Variants in SNAI3 observed in about 807,000 individuals in gnomAD.
SNAI3 encodes the protein snail family transcriptional repressor 3.
In SNAI3, 21 loss-of-function variants were observed where a neutral mutation model predicts 16.4. The ratio of observed to expected loss-of-function variants is 1.28; its 90% CI spans 0.91 to 1.85. The LOEUF is 1.85. Among genes scored for constraint, SNAI3 ranks in the 40% most tolerant of loss-of-function variants. The pLI is 0.00. For synonymous variants in SNAI3, 202 were observed against 166.6 expected, an observed-to-expected ratio of 1.21 and a Z score of -1.64; for missense variants, 457 against 372.8, an observed-to-expected ratio of 1.23 and a Z score of -1.86.
Position 88,678,478 on chromosome 16 carries a change from A to G in SNAI3, c.849T>C (p.His283=), listed in dbSNP as rs1909048853. The G allele has an allele frequency of 2.6e-6, 2 of 777,578 alleles. No homozygotes were observed. The highest frequency in any genetic ancestry group is 4.8e-6 in the Non-Finnish European group (2 of 420,446). The allele number at this position is 777,578 out of a possible 1,614,324, so 48.2% of individuals were successfully genotyped here. ...TFSRMSLLAR[H]EESGCCPGP ...GGCCCGGGCAGCAGCCAGACTCCTC[A>G]TGCCGCGCCAGGAGGGACATGCGGG... The change falls in exon 3 of 3, where the codon CAT becomes CAC. Residue 283 remains histidine (H), a synonymous_variant. Coordinates refer to ENST00000332281, the MANE Select transcript of SNAI3 (RefSeq NM_178310.4).
intron 2 of SNAI3, among the ~76,000 whole-genome samples, chr16:88,679,502 C>G (rs913382569): frequency 2.6e-5 from 4 of 152,124 alleles, no homozygotes; most frequent in African/African-American, 9.7e-5. Flanking sequence ...TGGCTCACAC[C>G]TGTAATCCCA....
rs767802631 is a variant in SNAI3, at chr16:88,681,245, G to T, written c.546C>A (p.Val182=). The part of the protein sequence containing the change: ...QLHCHLQVGR[V]FTCKYCDKEY... ...CCTTGTCGCAGTACTTGCAGGTGAA[G>T]ACACGCCCCACCTGCAGGTGGCAGT... is the stretch of plus-strand genomic sequence containing the variant. Residue 182 remains valine, a synonymous_variant, in exon 2 of 3, where the codon GTC becomes GTA. Transcript: ENST00000332281. The surrounding 1 kb of genome is among the most constrained non-coding windows in gnomAD (Gnocchi z 5.4). 1 of 1,613,666 alleles carries T rather than the reference G, an allele frequency of 6.2e-7. No homozygotes were observed. Among genetic ancestry groups the T allele is most frequent in the Non-Finnish European group, 8.5e-7 (1 of 1,180,032 alleles).
rs763896682 is a variant in SNAI3, at chr16:88,678,607, C to T, written c.720G>A (p.Ser240=). ...THTGEKPYAC[S]HCSRAFADRS... ...GGTCGGCAAAGGCCCTGCTGCAGTG[C>T]GAGCAGGCATAGGGCTTCTCCCCTG... is the stretch of plus-strand genomic sequence containing the variant. Residue 240 remains serine (S), a synonymous_variant, in exon 3 of 3, where the codon TCG becomes TCA. Transcript: ENST00000332281. 19 of 1,156,656 alleles carry T rather than the reference C, an allele frequency of 1.6e-5. No individual in the cohort carries two copies. Among genetic ancestry groups the T allele is most frequent in the Non-Finnish European group, 2.5e-5 (19 of 766,214 alleles). 71.6% of individuals were successfully genotyped at this position (1,156,656 alleles called of 1,614,324 possible).
intron 1 of SNAI3, among the ~76,000 whole-genome samples, chr16:88,683,598 C>G (rs1597394208): frequency 7.3e-6 from 1 of 137,662 alleles, no homozygotes; most frequent in African/African-American, 2.8e-5. Flanking sequence ...ACTCTTGTCG[C>G]CCAGGCTGGA....
At chr16:88,686,031 C>A in intron 1 of SNAI3, 1 of 273,320 alleles carries the variant, frequency 3.7e-6, no homozygotes. Flanking sequence ...TTGGGACGGG[C>A]GGCTGTATAT....
chr16:88,686,228 TG>T, intron 1 of SNAI3, 102 bp downstream of exon 1: 1 of 1,408,360 alleles, frequency 7.1e-7, no homozygotes. Flanking sequence ...TCCTCCCACC[TG>T]GGACAGGTGT....
At chr16:88,684,799 T>C (rs8048125) in intron 1 of SNAI3, among the ~76,000 whole-genome samples, 109,712 of 152,238 alleles carry the variant, frequency 0.72, 39,623 homozygotes, top group East Asian at 0.94. Flanking sequence ...CTGAAGAGAC[T>C]GTTTAAGTAC....
chr16:88,680,367 C>A (rs1485727233), intron 2 of SNAI3, among the ~76,000 whole-genome samples: 1 of 139,606 alleles, frequency 7.2e-6, no homozygotes, highest in Non-Finnish European at 1.5e-5. Context: ...CTCACCGCAA[C>A]CTCCACCTCC....
chr16:88,678,752 A>C, intron 2 of SNAI3, 123 bp from the exon 3 acceptor site: 2 of 1,450,852 alleles, frequency 1.4e-6, no homozygotes, highest in South Asian at 2.8e-5. Context: ...CAGAGCACCC[A>C]AGGTTGAGCT....
At chr16:88,680,275 ATTTTTT>A (rs560411217) in intron 2 of SNAI3, among the ~76,000 whole-genome samples, 6 of 55,102 alleles carry the variant, frequency 1.1e-4, no homozygotes, top group South Asian at 8.0e-4. Context: ...TATGTTTTTG[ATTTTTT>A]TTTTTTTTTT....
At position 88,686,483 on chromosome 16, in the gene SNAI3, G is replaced by C. The variant is rs1909371253; in HGVS notation, c.-77C>G. The stretch of plus-strand genomic sequence containing the variant: ...CTGGGTCCGGACTGCTGCGTCCGCC[G>C]GCGCTTGAAGGGGTCAGGCTCATTA... On this transcript the variant is annotated 5_prime_UTR_variant, in exon 1 of 3. Coordinates refer to ENST00000332281, the MANE Select transcript of SNAI3 (RefSeq NM_178310.4). 1.9e-6 allele frequency: 3 copies of C among 1,562,704 alleles called. No homozygotes were observed. The highest frequency in any genetic ancestry group is 2.3e-5 in the South Asian group (2 of 87,304).
At position 88,681,120 on chromosome 16, in the gene SNAI3, A is replaced by G. The variant is rs945290163; in HGVS notation, c.671T>C (p.Leu224Pro). ...CGKAFSRPWL[L>P]QGHVRTHTGE... ...TGTGTGGGTGCGGACATGGCCCTGC[A>G]GTAACCAGGGCCTGGAGAAGGCCTT... The change falls in exon 2 of 3, where the codon CTG becomes CCG. Residue 224 changes from leucine (L) to proline (P), a missense_variant. Coordinates refer to ENST00000332281, the MANE Select transcript of SNAI3 (RefSeq NM_178310.4). This position sits in a 1 kb window ranked among gnomAD's most constrained non-coding sequence, Gnocchi z 5.4. 7.4e-6 allele frequency: 12 copies of G among 1,613,302 alleles called. No individual in the cohort carries two copies. Among genetic ancestry groups the G allele is most frequent in the Non-Finnish European group, 1.0e-5 (12 of 1,179,840 alleles).
At position 88,686,361 on chromosome 16, in the gene SNAI3, G is replaced by A. The variant is rs1336173726; in HGVS notation, c.46C>T (p.Pro16Ser). Residue 16 changes from proline to serine, a missense_variant, in exon 1 of 3, where the codon CCC becomes TCC. By Grantham distance (74) the Pro-to-Ser change is moderately conservative (BLOSUM62 -1). Coordinates refer to ENST00000332281, the MANE Select transcript of SNAI3 (RefSeq NM_178310.4). The stretch of plus-strand genomic sequence containing the variant: ...TGCGTCTCCAGCCGCCGGTAGTTGG[G>A]GACCCTGTGGCTGGAGTGCGTTTTC... ...LVKTHSSHRVPNYRRLETQRE... is the reference protein window; with the variant it reads ...LVKTHSSHRVSNYRRLETQRE... The A allele has an allele frequency of 3.1e-6, 5 of 1,612,364 alleles. No homozygotes were observed. The highest frequency in any genetic ancestry group is 2.7e-5 in the African/African-American group (2 of 74,926).
At position 88,678,309 on chromosome 16, in the gene SNAI3, A is replaced by G; in HGVS notation, c.*139T>C. 1.7e-6 allele frequency: 1 copy of G among 590,258 alleles called. No individual in the cohort carries two copies. The highest frequency in any genetic ancestry group is 3.0e-6 in the Non-Finnish European group (1 of 330,900). The allele number at this position is 590,258 out of a possible 1,614,324, so 36.6% of individuals were successfully genotyped here. ...CCCCCGCTGGACTTCTTTGGTTCTGATTGGACGCAGATGTGGAGGACGCAC... is the reference window on the plus strand; with the variant it reads ...CCCCCGCTGGACTTCTTTGGTTCTGGTTGGACGCAGATGTGGAGGACGCAC... On this transcript the variant is annotated 3_prime_UTR_variant, in exon 3 of 3. Coordinates refer to ENST00000332281, the MANE Select transcript of SNAI3 (RefSeq NM_178310.4).
rs759957871 is a variant in SNAI3 at position 88,681,389 on chromosome 16, C to T, written c.402G>A (p.Gly134=). Residue 134 remains glycine, a synonymous_variant, in exon 2 of 3, where the codon GGG becomes GGA. Transcript: ENST00000332281. The surrounding 1 kb of genome is among the most constrained non-coding windows in gnomAD (Gnocchi z 5.4). ...WSPTLGPDRH[G]APEKLLGAER... ...CAGCCCCAAGCAGTTTTTCCGGAGC[C>T]CCGTGCCGGTCTGGGCCCAAGGTCG... is the stretch of plus-strand genomic sequence containing the variant. The T allele has an allele frequency of 3.7e-6, 6 of 1,612,572 alleles. No individual in the cohort carries two copies. The highest frequency in any genetic ancestry group is 5.1e-6 in the Non-Finnish European group (6 of 1,179,310).
rs756522658 is a variant in SNAI3 at position 88,681,508 on chromosome 16, G to A, written c.283C>T (p.Pro95Ser). Residue 95 changes from proline to serine, a missense_variant, in exon 2 of 3, where the codon CCT becomes TCT. Coordinates refer to ENST00000332281, the MANE Select transcript of SNAI3 (RefSeq NM_178310.4). This position sits in a 1 kb window ranked among gnomAD's most constrained non-coding sequence, Gnocchi z 5.4. ...LDALEVSEVD[P>S]RASRAAIVPL... ...ACAATGGCGGCCCGGCTGGCCCGAG[G>A]GTCGACCTCGCTGACTTCCAAGGCG... 6.5e-7 allele frequency: 1 copy of A among 1,541,560 alleles called. No homozygotes were observed. Among genetic ancestry groups the A allele is most frequent in the Admixed American group, 1.9e-5 (1 of 52,576 alleles).
In SNAI3 at chr16:88,681,327, A is replaced by T. The variant is rs536470345; in HGVS notation, c.464T>A (p.Phe155Tyr). ...MPRAPGGFEC[F>Y]HCHKPYHTLA... ...CGTGTGGTAGGGTTTGTGGCAGTGG[A>T]AGCACTCAAAGCCGCCCGGGGCTCG... The change falls in exon 2 of 3, where the codon TTC becomes TAC. Residue 155 changes from phenylalanine (F) to tyrosine (Y), a missense_variant. Transcript: ENST00000332281. This position sits in a 1 kb window ranked among gnomAD's most constrained non-coding sequence, Gnocchi z 5.4. 1.7e-4 allele frequency: 270 copies of T among 1,613,002 alleles called. No individual in the cohort carries two copies. In the South Asian group the frequency reaches 2.8e-3, roughly 16 times the overall value.
Position 88,686,455 on chromosome 16 carries a change from C to T in SNAI3, c.-49G>A, listed in dbSNP as rs756954758. On this transcript the variant is annotated 5_prime_UTR_variant, in exon 1 of 3. Coordinates refer to ENST00000332281, the MANE Select transcript of SNAI3 (RefSeq NM_178310.4). ...GGGGTGGGCTGGGGCGGGAGGGGCG[C>T]GCCTGGGTCCGGACTGCTGCGTCCG... 10 of 1,589,248 alleles carry T rather than the reference C, an allele frequency of 6.3e-6. No individual in the cohort carries two copies. Among genetic ancestry groups the T allele is most frequent in the Non-Finnish European group, 7.7e-6 (9 of 1,172,642 alleles).
chr16:88,685,421 A>C (rs1412758528), intron 1 of SNAI3: 1 of 152,230 alleles, frequency 6.6e-6, no homozygotes, highest in Non-Finnish European at 1.5e-5. Context: ...GCTGGGGGCC[A>C]CAGCCCCAAC....
Sources: gnomAD v4.1 joint callset for allele counts (sites outside exome capture counted in the v4.1 genomes callset) on GRCh38, gnomAD v4.1.1 for gene constraint, Gnocchi (gnomAD v3.1) non-coding constraint, MANE v1.5 for transcripts, NCBI Gene and HGNC (gene_info 2026-07-23, HGNC 2026-07-21) for gene names.